Variants in PTPRM observed in about 807,000 individuals in gnomAD.
The protein encoded by PTPRM is protein tyrosine phosphatase receptor type M.
PTPRM carries 47 observed loss-of-function variants against 186.7 expected under a neutral mutation model. The observed-to-expected ratio is 0.25, with a 90% CI of 0.20 to 0.32. The LOEUF is 0.32. Ranked by LOEUF, PTPRM falls within the 10% of genes least tolerant of loss-of-function variation. The probability of loss-of-function intolerance (pLI) is 1.00; values close to 1 mark genes in which losing one functional copy is unlikely to be tolerated. For synonymous variants in PTPRM, 668 were observed against 674.9 expected (o/e 0.99, Z 0.16); for missense variants, 1,494 against 1,865.0 (o/e 0.80, Z 3.66).
intron 1 of PTPRM, among the ~76,000 whole-genome samples, chr18:7,643,464 C>T (rs555679517): frequency 9.2e-5 from 14 of 152,204 alleles, no homozygotes; most frequent in East Asian, 3.9e-4. Flanking sequence ...CTCAGCCTCC[C>T]GAGTAGCTGG....
chr18:7,846,541 T>G (rs1599030958), intron 2 of PTPRM, among the ~76,000 whole-genome samples: 1 of 152,248 alleles, frequency 6.6e-6, no homozygotes, highest in East Asian at 1.9e-4. Context: ...GGTGGCCCTC[T>G]CCCGTGCTTC....
chr18:8,348,024 A>G (rs1042128639), intron 23 of PTPRM, among the ~76,000 whole-genome samples: 6 of 152,200 alleles, frequency 3.9e-5, no homozygotes, highest in Admixed American at 3.3e-4. Context: ...GCTGTTTCCC[A>G]TTGTTAATCC....
chr18:7,658,358 A>ATATG (rs1555647618), intron 1 of PTPRM, among the ~76,000 whole-genome samples: 2 of 143,306 alleles, frequency 1.4e-5, no homozygotes, highest in Non-Finnish European at 3.0e-5. Flanking sequence ...ATATATATAT[A>ATATG]TACATACACA....
intron 20 of PTPRM, among the ~76,000 whole-genome samples, chr18:8,311,142 C>CTACTTAAAATATAAAATA (rs2095265141): frequency 1.3e-5 from 2 of 152,082 alleles, no homozygotes; most frequent in South Asian, 4.1e-4. Context: ...AATCCCATCT[C>CTACTTAAAATATAAAATA]TACTTAAAAT....
chr18:8,099,663 C>G (rs1317362960), intron 11 of PTPRM, among the ~76,000 whole-genome samples: 1 of 152,160 alleles, frequency 6.6e-6, no homozygotes, highest in Non-Finnish European at 1.5e-5. Flanking sequence ...AGGCTGTGCT[C>G]AGGGGTTCCA....
At chr18:8,290,174 TCA>T (rs2095026741) in intron 19 of PTPRM, among the ~76,000 whole-genome samples, 2 of 152,184 alleles carry the variant, frequency 1.3e-5, no homozygotes, top group South Asian at 4.1e-4. Context: ...CAAAGAAATT[TCA>T]CAGACTTTGC....
At chr18:7,759,741 G>T (rs78636971) in intron 1 of PTPRM, among the ~76,000 whole-genome samples, 1,768 of 152,210 alleles carry the variant, frequency 0.012, 34 homozygotes, top group African/African-American at 0.04. Context: ...TAGAGGACTG[G>T]CTATGTGAAG....
chr18:7,610,186 G>T (rs546166251), intron 1 of PTPRM, among the ~76,000 whole-genome samples: 2 of 152,090 alleles, frequency 1.3e-5, no homozygotes, highest in Admixed American at 6.5e-5. Flanking sequence ...CTTGAAATTA[G>T]GGCAAACTGA....
intron 7 of PTPRM, among the ~76,000 whole-genome samples, chr18:8,030,902 C>T (rs1385172658): frequency 3.9e-5 from 6 of 152,214 alleles, no homozygotes; most frequent in East Asian, 1.9e-4. Context: ...TGAGTTTCTA[C>T]GATTAATGGT....
intron 23 of PTPRM, among the ~76,000 whole-genome samples, chr18:8,357,794 T>C (rs1172144994): frequency 2.6e-5 from 4 of 152,140 alleles, no homozygotes; most frequent in Non-Finnish European, 5.9e-5. Context: ...CAAAAACATA[T>C]ACAATTATAA....
At chr18:8,186,686 C>T (rs2093646479) in intron 14 of PTPRM, among the ~76,000 whole-genome samples, 1 of 152,186 alleles carries the variant, frequency 6.6e-6, no homozygotes, top group South Asian at 2.1e-4. Context: ...CCATGTCTGT[C>T]CAGCCACTGT....
At chr18:8,126,106 G>A (rs1308045369) in intron 13 of PTPRM, among the ~76,000 whole-genome samples, 1 of 145,204 alleles carries the variant, frequency 6.9e-6, no homozygotes, top group African/African-American at 2.5e-5. Context: ...AAACAGCATT[G>A]TCTGTCTGTC....
chr18:7,949,443 T>TA, intron 6 of PTPRM, 88 bp downstream of exon 6: 1 of 1,122,246 alleles, frequency 8.9e-7, no homozygotes, highest in East Asian at 2.6e-5. Flanking sequence ...AGCTCAAACT[T>TA]ACCCTTGTCT....
intron 10 of PTPRM, 92 bp downstream of exon 10, chr18:8,085,964 C>T: frequency 8.1e-7 from 1 of 1,229,542 alleles, no homozygotes; most frequent in Non-Finnish European, 1.2e-6. Flanking sequence ...CTCGCCCACA[C>T]TAACATTGTA....
chr18:8,186,567 A>C (rs2093645205), intron 14 of PTPRM, among the ~76,000 whole-genome samples: 1 of 152,182 alleles, frequency 6.6e-6, no homozygotes, highest in Non-Finnish European at 1.5e-5. Flanking sequence ...TTTCAGAGCA[A>C]CAGTTGCCCT....
intron 1 of PTPRM, among the ~76,000 whole-genome samples, chr18:7,629,560 T>C (rs1307316451): frequency 6.6e-6 from 1 of 152,082 alleles, no homozygotes; most frequent in African/African-American, 2.4e-5. Flanking sequence ...TGGAGGAGCA[T>C]GTATGAAATG....
intron 1 of PTPRM, among the ~76,000 whole-genome samples, chr18:7,590,426 A>G (rs2037095327): frequency 1.3e-5 from 2 of 152,158 alleles, no homozygotes; most frequent in South Asian, 2.1e-4. Context: ...GGGTGGAAAG[A>G]TGGTCACTTG....
chr18:7,900,289 T>A (rs2049593202), intron 3 of PTPRM, among the ~76,000 whole-genome samples: 1 of 152,240 alleles, frequency 6.6e-6, no homozygotes, highest in African/African-American at 2.4e-5. Flanking sequence ...AATCTGAATT[T>A]CATATAATTC....
At chr18:7,688,287 T>G (rs2039654441) in intron 1 of PTPRM, among the ~76,000 whole-genome samples, 1 of 152,182 alleles carries the variant, frequency 6.6e-6, no homozygotes, top group African/African-American at 2.4e-5. Flanking sequence ...GTTTTAGCAC[T>G]GCACACCCTC....
Sources: gnomAD v4.1 joint callset for allele counts (sites outside exome capture counted in the v4.1 genomes callset) on GRCh38, gnomAD v4.1.1 for gene constraint, MANE v1.5 for transcripts, NCBI Gene and HGNC (gene_info 2026-07-23, HGNC 2026-07-21) for gene names.